The following NPAS3 variants were observed in gnomAD, a reference collection of about 807,000 sequenced individuals.
NPAS3 encodes neuronal PAS domain protein 3, also known as neuronal PAS domain-containing protein 3.
A neutral mutation model predicts 73.1 loss-of-function variants in NPAS3; 14 were observed. That is an observed-to-expected ratio of 0.19 (90% CI 0.13 to 0.30). The LOEUF (loss-of-function observed/expected upper bound fraction) is 0.30. NPAS3 is among the 10% of genes least tolerant of loss of function. The pLI, the probability that NPAS3 is intolerant of heterozygous loss-of-function variation, is 1.00. For synonymous variants in NPAS3, 620 were observed against 541.5 expected, an observed-to-expected ratio of 1.14 and a Z score of -2.01; for missense variants, 1,096 against 1,250.0, an observed-to-expected ratio of 0.88 and a Z score of 1.86.
At chr14:33,068,285 A>G (rs1449635234) in intron 2 of NPAS3, among the ~76,000 whole-genome samples, 2 of 152,200 alleles carry the variant, frequency 1.3e-5, no homozygotes, top group Non-Finnish European at 2.9e-5. Flanking sequence ...CAGCCTCCCT[A>G]TAACACCAGA....
chr14:32,939,410 CCCG>C (rs574696482), intron 1 of NPAS3, 44 bp downstream of exon 1: 703 of 588,436 alleles, frequency 1.2e-3, no homozygotes, highest in East Asian at 2.0e-3. Context: ...GGCCGCTGCT[CCCG>C]CCGCCGCCGC....
intron 2 of NPAS3, among the ~76,000 whole-genome samples, chr14:33,118,380 TTTATA>T (rs2043131655): frequency 6.6e-6 from 1 of 152,060 alleles, no homozygotes; most frequent in Non-Finnish European, 1.5e-5. Context: ...TCTAGAATGT[TTTATA>T]TCCCTATTCT....
At chr14:33,274,620 G>T (rs769862029) in intron 3 of NPAS3, among the ~76,000 whole-genome samples, 2 of 152,102 alleles carry the variant, frequency 1.3e-5, no homozygotes, top group African/African-American at 4.8e-5. Flanking sequence ...TTGACTTAAA[G>T]CATTACCTAA....
intron 3 of NPAS3, among the ~76,000 whole-genome samples, chr14:33,348,216 A>C (rs1024360869): frequency 6.6e-6 from 1 of 152,208 alleles, no homozygotes; most frequent in Non-Finnish European, 1.5e-5. Context: ...ATCATGATTG[A>C]AATCTCAACC....
chr14:33,328,797 T>C (rs1479358626), intron 3 of NPAS3, among the ~76,000 whole-genome samples: 3 of 152,142 alleles, frequency 2.0e-5, no homozygotes, highest in Non-Finnish European at 4.4e-5. Flanking sequence ...TTGAGATGAA[T>C]ACTTACTCCT....
intron 7 of NPAS3, among the ~76,000 whole-genome samples, chr14:33,765,292 T>G (rs1211872960): frequency 7.2e-6 from 1 of 139,068 alleles, no homozygotes; most frequent in Non-Finnish European, 1.6e-5. Flanking sequence ...AAAATATTTC[T>G]GCATTAAAAA....
intron 10 of NPAS3, among the ~76,000 whole-genome samples, chr14:33,794,760 T>G (rs916710771): frequency 2.0e-5 from 3 of 152,146 alleles, no homozygotes; most frequent in Admixed American, 6.5e-5. Context: ...CCCTTCCCAG[T>G]CTACATTCTG....
chr14:33,475,221 G>A (rs531609932), intron 4 of NPAS3, among the ~76,000 whole-genome samples: 1 of 152,198 alleles, frequency 6.6e-6, no homozygotes, highest in Non-Finnish European at 1.5e-5. Flanking sequence ...ATTGAATTCT[G>A]GAGAATGTTT....
At chr14:33,474,871 A>G (rs2050947852) in intron 4 of NPAS3, among the ~76,000 whole-genome samples, 1 of 152,330 alleles carries the variant, frequency 6.6e-6, no homozygotes, top group South Asian at 2.1e-4. Flanking sequence ...GTCTTATGCT[A>G]ACTGTACCTT....
chr14:33,472,219 T>G (rs1211741495), intron 4 of NPAS3, among the ~76,000 whole-genome samples: 1 of 152,158 alleles, frequency 6.6e-6, no homozygotes, highest in African/African-American at 2.4e-5. Context: ...GGGCTGAGGT[T>G]ATGTAGATAA....
At chr14:33,674,190 A>G (rs757805692) in intron 5 of NPAS3, among the ~76,000 whole-genome samples, 4 of 152,198 alleles carry the variant, frequency 2.6e-5, no homozygotes, top group Admixed American at 6.5e-5. Context: ...GCTCTCTATA[A>G]GACTGGCTTA....
intron 4 of NPAS3, among the ~76,000 whole-genome samples, chr14:33,376,820 A>G (rs1230617390): frequency 2.0e-5 from 3 of 152,188 alleles, no homozygotes; most frequent in Admixed American, 2.0e-4. Context: ...TAGTAGTGAA[A>G]GTTTTCCTGG....
intron 7 of NPAS3, among the ~76,000 whole-genome samples, chr14:33,774,095 T>TA (rs935131331): frequency 2.0e-5 from 3 of 152,146 alleles, no homozygotes; most frequent in Non-Finnish European, 2.9e-5. Flanking sequence ...AAAAAGTCCT[T>TA]AAAAAAATAG....
At chr14:33,105,318 AC>A (rs1377899006) in intron 2 of NPAS3, among the ~76,000 whole-genome samples, 2 of 152,152 alleles carry the variant, frequency 1.3e-5, no homozygotes, top group African/African-American at 4.8e-5. Context: ...TGACCTATTC[AC>A]TCCATTTTAA....
At chr14:33,718,749 C>T (rs968149589) in intron 6 of NPAS3, among the ~76,000 whole-genome samples, 3 of 152,072 alleles carry the variant, frequency 2.0e-5, no homozygotes, top group Admixed American at 6.6e-5. Flanking sequence ...TACAACCTCC[C>T]GAAGTTAGGC....
At chr14:33,176,934 G>A (rs1256163561) in intron 2 of NPAS3, among the ~76,000 whole-genome samples, 1 of 151,774 alleles carries the variant, frequency 6.6e-6, no homozygotes, top group African/African-American at 2.4e-5. Flanking sequence ...TGTGAAGTGA[G>A]ATCTAATTCT....
rs755505340 is a variant in NPAS3, at chr14:32,942,532, A to G, written c.50+3166A>G. Among the ~76,000 whole-genome samples, 17 of 152,240 alleles carry G rather than the reference A, an allele frequency of 1.1e-4. 1 individual carries two copies. Among genetic ancestry groups the G allele is most frequent in the Non-Finnish European group, 2.2e-4 (15 of 68,038 alleles). On this transcript the variant is annotated intron_variant, in intron 1 of 11. Coordinates refer to ENST00000356141, the Ensembl canonical transcript of NPAS3. ...CTTGTTTGATTTTCTTTAAACGCCA[A>G]TAGACTGCAAATTATATAGCACTAC...
chr14:33,483,896 C>A (rs2051452156), intron 4 of NPAS3, among the ~76,000 whole-genome samples: 1 of 152,150 alleles, frequency 6.6e-6, no homozygotes, highest in African/African-American at 2.4e-5. Flanking sequence ...CCCCCTAAAA[C>A]AGCCTTTTAG....
At chr14:33,522,369 A>G (rs1357171899) in intron 4 of NPAS3, among the ~76,000 whole-genome samples, 1 of 152,112 alleles carries the variant, frequency 6.6e-6, no homozygotes, top group East Asian at 1.9e-4. Context: ...CCACCGCCAC[A>G]TTGCAGAGTT....
Sources: gnomAD v4.1 joint callset for allele counts (sites outside exome capture counted in the v4.1 genomes callset) on GRCh38, gnomAD v4.1.1 for gene constraint, MANE v1.5 for transcripts, NCBI Gene and HGNC (gene_info 2026-07-23, HGNC 2026-07-21) for gene names.